Variants in PLXNA2 observed in about 807,000 individuals in gnomAD.
PLXNA2 encodes plexin-A2.
In PLXNA2, 91 loss-of-function variants were observed where a neutral mutation model predicts 193.5. The ratio of observed to expected loss-of-function variants is 0.47; its 90% CI spans 0.40 to 0.56. The LOEUF (loss-of-function observed/expected upper bound fraction) is 0.56. Among genes scored for constraint, PLXNA2 ranks in the 20% least tolerant of loss-of-function variants. The pLI is 0.00. For missense variants in PLXNA2, 1,995 were observed against 2,503.2 expected (o/e 0.80, Z 4.33); for synonymous variants, 997 against 1,027.3 (o/e 0.97, Z 0.56).
intron 3 of PLXNA2, among the ~76,000 whole-genome samples, chr1:208,207,479 G>A (rs566771249): frequency 6.6e-6 from 1 of 152,168 alleles, no homozygotes; most frequent in Non-Finnish European, 1.5e-5. Flanking sequence ...ATCACTTCTA[G>A]CAAGTCTCTG....
chr1:208,035,261 C>T (rs1362732500), intron 26 of PLXNA2, among the ~76,000 whole-genome samples: 2 of 152,170 alleles, frequency 1.3e-5, no homozygotes, highest in Non-Finnish European at 2.9e-5. Flanking sequence ...TATTTGTAGC[C>T]AGGTATGTCA....
At chr1:208,201,313 A>AC (rs1172328102) in intron 3 of PLXNA2, among the ~76,000 whole-genome samples, 3 of 152,190 alleles carry the variant, frequency 2.0e-5, no homozygotes, top group African/African-American at 7.2e-5. Flanking sequence ...CGAAGCTACA[A>AC]CAGGGCAACT....
intron 3 of PLXNA2, among the ~76,000 whole-genome samples, chr1:208,170,837 TAAATA>T (rs912483880): frequency 7.2e-5 from 11 of 152,048 alleles, no homozygotes; most frequent in East Asian, 3.9e-4. Flanking sequence ...AGAAATAAAA[TAAATA>T]AAATAAAATA....
At chr1:208,064,454 T>G (rs1022869933) in intron 12 of PLXNA2, among the ~76,000 whole-genome samples, 1 of 152,218 alleles carries the variant, frequency 6.6e-6, no homozygotes, top group Non-Finnish European at 1.5e-5. Flanking sequence ...TTCCATTCAA[T>G]AGCACATCCT....
chr1:208,170,152 G>T (rs566715997), intron 3 of PLXNA2, among the ~76,000 whole-genome samples: 1 of 152,292 alleles, frequency 6.6e-6, no homozygotes, highest in African/African-American at 2.4e-5. Context: ...GACTGCCAGA[G>T]GCTGCTTAAG....
At chr1:208,086,345 AG>A (rs1331572782) in intron 9 of PLXNA2, among the ~76,000 whole-genome samples, 4 of 152,072 alleles carry the variant, frequency 2.6e-5, no homozygotes, top group Admixed American at 2.6e-4. Flanking sequence ...TAGATTCTTT[AG>A]AGATGAGGTA....
chr1:208,122,910 G>A (rs1667851085), intron 4 of PLXNA2, among the ~76,000 whole-genome samples: 1 of 152,100 alleles, frequency 6.6e-6, no homozygotes, highest in Non-Finnish European at 1.5e-5. Context: ...TAATATAAGA[G>A]CTTTAATGAG....
rs933777020 is a variant in PLXNA2 at position 208,023,796 on chromosome 1, A to G, written c.*3447T>C. The G allele has an allele frequency of 2.0e-5, 3 of 152,232 alleles. No homozygotes were observed. Among genetic ancestry groups the G allele is most frequent in the Non-Finnish European group, 4.4e-5 (3 of 68,064 alleles). 9.4% of individuals were successfully genotyped at this position (152,232 alleles called of 1,614,324 possible). On this transcript the variant is annotated 3_prime_UTR_variant, in exon 32 of 32. Transcript: ENST00000367033. Reference sequence around the variant, plus strand: ...TGGTTTTGTTCCGTGCTGTTTTCCCATCTCTAGAGCAGTGGCTGGCAGACA... The same window carrying G: ...TGGTTTTGTTCCGTGCTGTTTTCCCGTCTCTAGAGCAGTGGCTGGCAGACA...
intron 1 of PLXNA2, among the ~76,000 whole-genome samples, chr1:208,241,331 T>A (rs907070832): frequency 6.6e-6 from 1 of 152,198 alleles, no homozygotes; most frequent in Non-Finnish European, 1.5e-5. Flanking sequence ...GCAGGGTGAA[T>A]GTTCCCTGGT....
rs1191144540 is a variant in PLXNA2 at position 208,028,105 on chromosome 1, G to A, written c.5493C>T (p.Ala1831=). ...GCAGGCGGGACTGCTCGGCGAGGTA[G>A]GCATTCATGTCCTGGTCACTGATGG... ...LPAISDQDMN[A]YLAEQSRLHA... Residue 1831 remains alanine, a synonymous_variant, in exon 31 of 32, where the codon GCC becomes GCT. Coordinates refer to ENST00000367033, the MANE Select transcript of PLXNA2 (RefSeq NM_025179.4). This position sits in a 1 kb window ranked among gnomAD's most constrained non-coding sequence, Gnocchi z 4.2. 8 of 1,613,688 alleles carry A rather than the reference G, an allele frequency of 5.0e-6. No homozygotes were observed. The highest frequency in any genetic ancestry group is 5.9e-6 in the Non-Finnish European group (7 of 1,179,808).
intron 4 of PLXNA2, among the ~76,000 whole-genome samples, chr1:208,130,857 C>T (rs1668125554): frequency 1.3e-5 from 2 of 152,162 alleles, no homozygotes; most frequent in African/African-American, 2.4e-5. Flanking sequence ...AGTGGCTGGC[C>T]AGAACTCACA....
rs1671141277 is a variant in PLXNA2 at position 208,216,745 on chromosome 1, C to A, written c.1178G>T (p.Cys393Phe). 6.2e-7 allele frequency: 1 copy of A among 1,612,500 alleles called. No individual in the cohort carries two copies. Among genetic ancestry groups the A allele is most frequent in the Non-Finnish European group, 8.5e-7 (1 of 1,179,616 alleles). Residue 393 changes from cysteine (C) to phenylalanine (F), a missense_variant, in exon 2 of 32, where the codon TGC becomes TTC. This residue lies in a region of PLXNA2 where 702 missense variants were observed against 812.9 expected (regional missense o/e 0.86). Transcript: ENST00000367033. ...TGTGTGCCTCCTTACCGCCTTGGTG[C>A]ACTGGACGTCCTTCCCCAGCAGCCA... ...LNWLLGKDVQ[C>F]TKAPVPIDDN...
Position 208,082,639 on chromosome 1 carries a change from A to T in PLXNA2, c.2299-131T>A. ...CCCTGAATCCCAGTCACTAATGCCA[A>T]GAGAATCCCACCCAAGCCTCCTAGC... On this transcript the variant is annotated intron_variant, in intron 10 of 31. Coordinates refer to ENST00000367033, the MANE Select transcript of PLXNA2 (RefSeq NM_025179.4). The surrounding 1 kb of genome is among the most constrained non-coding windows in gnomAD (Gnocchi z 4.2). 1 of 712,550 alleles carries T rather than the reference A, an allele frequency of 1.4e-6. No individual in the cohort carries two copies. Among genetic ancestry groups the T allele is most frequent in the Admixed American group, 2.1e-5 (1 of 48,292 alleles). 44.1% of individuals were successfully genotyped at this position (712,550 alleles called of 1,614,324 possible). A position where few individuals can be genotyped will look rare whatever the true frequency, so the allele number is the denominator to read the frequency against.
intron 3 of PLXNA2, among the ~76,000 whole-genome samples, chr1:208,171,620 G>A (rs1339308161): frequency 6.6e-6 from 1 of 152,168 alleles, no homozygotes; most frequent in Non-Finnish European, 1.5e-5. Flanking sequence ...AGGCCAAGGC[G>A]GGAGGATGGC....
At chr1:208,125,473 T>C (rs1299195561) in intron 4 of PLXNA2, among the ~76,000 whole-genome samples, 1 of 152,138 alleles carries the variant, frequency 6.6e-6, no homozygotes, top group Non-Finnish European at 1.5e-5. Flanking sequence ...GGCAAACAAA[T>C]AAGTGATCCC....
rs189257404 is a variant in PLXNA2, at chr1:208,077,414, G to A, written c.2586+1846C>T. Among the ~76,000 whole-genome samples the A allele has an allele frequency of 6.8e-3, 1,035 of 152,330 alleles. 9 individuals carry two copies. Among genetic ancestry groups the A allele is most frequent in the African/African-American group, 0.022 (920 of 41,570 alleles). On this transcript the variant is annotated intron_variant, in intron 12 of 31. Transcript: ENST00000367033. The stretch of plus-strand genomic sequence containing the variant: ...AGCGAGCAGGGGCGGCTGAGGCAGA[G>A]GTTTCCCAGTGAGAAGCTTGCCTTC...
chr1:208,046,262 A>G (rs1170686561), intron 17 of PLXNA2, 145 bp from the exon 18 acceptor site: 16 of 1,060,580 alleles, frequency 1.5e-5, no homozygotes, highest in Non-Finnish European at 2.1e-5. Context: ...AAAGCCCTCC[A>G]GGAAAGGGCA....
chr1:208,048,296 C>T (rs1182265143), intron 17 of PLXNA2, among the ~76,000 whole-genome samples: 1 of 152,216 alleles, frequency 6.6e-6, no homozygotes, highest in African/African-American at 2.4e-5. Context: ...GGGGTAGGCC[C>T]AGGTGTGCTG....
intron 3 of PLXNA2, among the ~76,000 whole-genome samples, chr1:208,145,964 C>A (rs1239685843): frequency 1.3e-5 from 2 of 152,146 alleles, no homozygotes; most frequent in Non-Finnish European, 2.9e-5. Context: ...ACTCCCCCCA[C>A]TCACCCCCGA....
Sources: allele counts gnomAD v4.1 joint callset (sites outside exome capture counted in the v4.1 genomes callset), GRCh38; gene constraint gnomAD v4.1.1; regional missense constraint gnomAD v4.1.1; non-coding constraint Gnocchi (gnomAD v3.1); transcripts MANE v1.5; gene names NCBI Gene and HGNC (gene_info 2026-07-23, HGNC 2026-07-21).